The following MEI4 variants were observed in gnomAD, a reference collection of about 807,000 sequenced individuals.
MEI4 encodes the protein meiosis-specific protein MEI4.
A neutral mutation model predicts 31.4 loss-of-function variants in MEI4; 27 were observed. That is an observed-to-expected ratio of 0.86 (90% CI 0.63 to 1.19). The LOEUF (loss-of-function observed/expected upper bound fraction) is 1.19. Among genes scored for constraint, MEI4 ranks in the 50% most tolerant of loss-of-function variants. MEI4 has a pLI of 0.00. For synonymous variants in MEI4, 122 were observed against 145.4 expected (o/e 0.84, Z 1.16); for missense variants, 329 against 398.9 (o/e 0.82, Z 1.49).
Position 77,790,570 on chromosome 6 carries a change from C to T in MEI4, c.768+28905C>T, listed in dbSNP as rs974937127. ...TCCTGAATTTATAAAAATAGAAAAA[C>T]TAAAAATTAACAAAATACATATTGA... On this transcript the variant is annotated intron_variant, in intron 3 of 4. Coordinates refer to ENST00000684080, the MANE Select transcript of MEI4 (RefSeq NM_001322247.2). Among the ~76,000 whole-genome samples, 6 of 151,476 alleles carry T rather than the reference C, an allele frequency of 4.0e-5. No individual in the cohort carries two copies. In the Admixed American group the frequency reaches 4.0e-4, roughly 10 times the overall value.
At chr6:77,782,773 A>G (rs1297860545) in intron 3 of MEI4, among the ~76,000 whole-genome samples, 1 of 152,210 alleles carries the variant, frequency 6.6e-6, no homozygotes, top group Non-Finnish European at 1.5e-5. Context: ...TGTTTTGCAC[A>G]TGAGTAAGAT....
intron 4 of MEI4, among the ~76,000 whole-genome samples, chr6:77,913,696 A>G (rs1766479335): frequency 6.7e-6 from 1 of 149,764 alleles, no homozygotes; most frequent in South Asian, 2.1e-4. Flanking sequence ...TGGTTAGTCT[A>G]GATAACAGAT....
At position 77,690,563 on chromosome 6, in the gene MEI4, A is replaced by G. The variant is rs924367961; in HGVS notation, c.-14-95A>G. On this transcript the variant is annotated intron_variant, in intron 1 of 4. Transcript: ENST00000684080. Reference sequence around the variant, plus strand: ...TGCCAAGTCTTATTATAAACTTATTAATTAATGTTACTCTGCAAAATCAAT... The same window carrying G: ...TGCCAAGTCTTATTATAAACTTATTGATTAATGTTACTCTGCAAAATCAAT... The G allele has an allele frequency of 1.5e-5, 8 of 518,920 alleles. No homozygotes were observed. In the African/African-American group the frequency reaches 1.6e-4, roughly 10 times the overall value. 32.1% of individuals were successfully genotyped at this position (518,920 alleles called of 1,614,324 possible).
chr6:77,797,347 A>G (rs1447659014), intron 3 of MEI4, among the ~76,000 whole-genome samples: 2 of 152,204 alleles, frequency 1.3e-5, no homozygotes, highest in African/African-American at 4.8e-5. Context: ...GACTGCATCA[A>G]CCTAAAATGT....
intron 2 of MEI4, among the ~76,000 whole-genome samples, chr6:77,738,927 T>A (rs1036710531): frequency 1.3e-5 from 2 of 152,230 alleles, no homozygotes; most frequent in African/African-American, 4.8e-5. Flanking sequence ...TGCCCACTTT[T>A]TGATGGGGTT....
At chr6:77,833,726 G>A (rs6933849) in intron 4 of MEI4, among the ~76,000 whole-genome samples, 55 of 152,124 alleles carry the variant, frequency 3.6e-4, no homozygotes, top group East Asian at 1.4e-3. Flanking sequence ...CCATCAACCC[G>A]TCATCTAGGT....
chr6:77,856,318 T>G (rs1411040723), intron 4 of MEI4, among the ~76,000 whole-genome samples: 1 of 152,096 alleles, frequency 6.6e-6, no homozygotes, highest in Non-Finnish European at 1.5e-5. Context: ...AACCTACCCT[T>G]CCTTCTCTTT....
intron 2 of MEI4, among the ~76,000 whole-genome samples, chr6:77,748,293 T>A (rs1373403957): frequency 1.3e-5 from 2 of 152,216 alleles, no homozygotes; most frequent in African/African-American, 2.4e-5. Context: ...TGCCTGGACA[T>A]CCAGGCATTT....
chr6:77,744,433 GAAAC>G lies in MEI4; in HGVS notation c.233-16689_233-16686del, dbSNP rs532421673. Among the ~76,000 whole-genome samples, 229 of 152,222 alleles carry G rather than the reference GAAAC, an allele frequency of 1.5e-3. 1 individual carries two copies. The highest frequency in any genetic ancestry group is 4.6e-3 in the African/African-American group (192 of 41,544). ...AAGTTTAGAGAAAAAAGAATAAAAA[GAAAC>G]AAACAAAGCCTCCGAGAAATATGGG... On this transcript the variant is annotated intron_variant, in intron 2 of 4. Transcript: ENST00000684080.
At chr6:77,881,174 T>A (rs1771480875) in intron 4 of MEI4, among the ~76,000 whole-genome samples, 1 of 152,122 alleles carries the variant, frequency 6.6e-6, no homozygotes, top group African/African-American at 2.4e-5. Flanking sequence ...TCTCTGTGAA[T>A]AAACAAAAAA....
At chr6:77,678,048 T>C (rs76228029) in intron 1 of MEI4, among the ~76,000 whole-genome samples, 20,551 of 152,180 alleles carry the variant, frequency 0.14, 1,471 homozygotes, top group Middle Eastern at 0.2. Context: ...TTGATTTTAA[T>C]TGATTACCGT....
chr6:77,789,794 T>G (rs150395555), intron 3 of MEI4, among the ~76,000 whole-genome samples: 20,966 of 152,108 alleles, frequency 0.14, 1,541 homozygotes, highest in Middle Eastern at 0.21. Flanking sequence ...GGAACACTTT[T>G]ACACTGTTGG....
chr6:77,714,588 G>A (rs1766538413), intron 2 of MEI4, among the ~76,000 whole-genome samples: 1 of 152,152 alleles, frequency 6.6e-6, no homozygotes, highest in African/African-American at 2.4e-5. Context: ...ATCTTAAACA[G>A]TGAAGACCAC....
intron 4 of MEI4, among the ~76,000 whole-genome samples, chr6:77,893,139 A>G (rs142414194): frequency 2.4e-3 from 363 of 152,082 alleles, no homozygotes; most frequent in African/African-American, 7.5e-3. Context: ...CTGCATCCCA[A>G]TGTTCTCTCT....
chr6:77,750,715 A>G (rs1244160691), intron 2 of MEI4, among the ~76,000 whole-genome samples: 1 of 152,114 alleles, frequency 6.6e-6, no homozygotes, highest in Non-Finnish European at 1.5e-5. Flanking sequence ...GATCAATGAG[A>G]CAAAAAATTA....
chr6:77,796,220 A>G (rs1769070445), intron 3 of MEI4, among the ~76,000 whole-genome samples: 1 of 152,186 alleles, frequency 6.6e-6, no homozygotes, highest in Admixed American at 6.6e-5. Flanking sequence ...GAAGGAATGC[A>G]CTTCAACATT....
chr6:77,801,202 C>T (rs1769246322), intron 3 of MEI4, among the ~76,000 whole-genome samples: 1 of 152,142 alleles, frequency 6.6e-6, no homozygotes, highest in Admixed American at 6.5e-5. Flanking sequence ...GATTCAACTT[C>T]TTCCTGGTTT....
chr6:77,661,583 G>C (rs573081197), intron 1 of MEI4, among the ~76,000 whole-genome samples: 69 of 152,290 alleles, frequency 4.5e-4, no homozygotes, highest in Admixed American at 2.9e-3. Flanking sequence ...TCCTTGAGGG[G>C]TAGTAGAATA....
intron 1 of MEI4, among the ~76,000 whole-genome samples, chr6:77,679,787 C>A (rs1181396051): frequency 6.6e-6 from 1 of 151,784 alleles, no homozygotes; most frequent in Non-Finnish European, 1.5e-5. Flanking sequence ...GTCTCCCAGG[C>A]TGGAGTGCAG....
Sources: allele counts gnomAD v4.1 joint callset (sites outside exome capture counted in the v4.1 genomes callset), GRCh38; gene constraint gnomAD v4.1.1; transcripts MANE v1.5; gene names NCBI Gene and HGNC (gene_info 2026-07-23, HGNC 2026-07-21).